The following UBE3C variants were observed in gnomAD, a reference collection of about 807,000 sequenced individuals.
The protein encoded by UBE3C is ubiquitin-protein ligase E3C.
UBE3C carries 42 observed loss-of-function variants against 129.4 expected under a neutral mutation model. The ratio of observed to expected loss-of-function variants is 0.32; its 90% CI spans 0.25 to 0.42. The LOEUF (loss-of-function observed/expected upper bound fraction) is 0.42, where lower values mean the gene tolerates loss of function less well. Ranked by LOEUF, UBE3C falls within the 10% of genes least tolerant of loss-of-function variation. The pLI, the probability that UBE3C is intolerant of heterozygous loss-of-function variation, is 1.00. For missense variants in UBE3C, 1,049 were observed against 1,319.1 expected, an observed-to-expected ratio of 0.80 and a Z score of 3.17; for synonymous variants, 510 against 492.4, an observed-to-expected ratio of 1.04 and a Z score of -0.47.
chr7:157,155,779 G>C (rs566994544), intron 1 of UBE3C, among the ~76,000 whole-genome samples: 1 of 152,264 alleles, frequency 6.6e-6, no homozygotes, highest in African/African-American at 2.4e-5. Context: ...AGAAGATAAC[G>C]ATAGTACCTA....
chr7:157,168,030 T>C (rs1280500400), intron 2 of UBE3C, among the ~76,000 whole-genome samples: 1 of 152,140 alleles, frequency 6.6e-6, no homozygotes, highest in Non-Finnish European at 1.5e-5. Context: ...TGTTGTCTGC[T>C]TGTATTCCTT....
intron 18 of UBE3C, among the ~76,000 whole-genome samples, chr7:157,243,505 A>G (rs1171774217): frequency 6.6e-6 from 1 of 152,202 alleles, no homozygotes; most frequent in East Asian, 1.9e-4. Flanking sequence ...ACCTCAGCTC[A>G]CGTTTAGAGA....
intron 10 of UBE3C, chr7:157,197,484 T>C: frequency 2.6e-6 from 2 of 760,354 alleles, no homozygotes; most frequent in Non-Finnish European, 3.9e-6. Flanking sequence ...CCAAAATTTA[T>C]CTGTAAAAAT....
intron 18 of UBE3C, among the ~76,000 whole-genome samples, chr7:157,233,294 TTG>T (rs1796070191): frequency 6.6e-6 from 1 of 152,194 alleles, no homozygotes; most frequent in South Asian, 2.1e-4. Flanking sequence ...ACTTTGGGGT[TTG>T]TTTTTTTCAT....
At chr7:157,139,786 G>T (rs1309912686) in intron 1 of UBE3C, among the ~76,000 whole-genome samples, 1 of 152,252 alleles carries the variant, frequency 6.6e-6, no homozygotes, top group East Asian at 1.9e-4. Flanking sequence ...CTCCCGCATG[G>T]CATCAGGGAG....
chr7:157,146,945 C>A (rs1263893019), intron 1 of UBE3C, among the ~76,000 whole-genome samples: 2 of 152,184 alleles, frequency 1.3e-5, no homozygotes, highest in Non-Finnish European at 1.5e-5. Flanking sequence ...GACACCGCGC[C>A]CAACCATAGT....
Position 157,146,414 on chromosome 7 carries a change from G to T in UBE3C, c.66+7076G>T, listed in dbSNP as rs547831123. Among the ~76,000 whole-genome samples, 46 of 152,096 alleles carry T rather than the reference G, an allele frequency of 3.0e-4. No homozygotes were observed. In the East Asian group the frequency reaches 8.0e-3, roughly 26 times the overall value. On this transcript the variant is annotated intron_variant, in intron 1 of 22. Coordinates refer to ENST00000348165, the MANE Select transcript of UBE3C (RefSeq NM_014671.3). Reference sequence around the variant, plus strand: ...ACCTGGCTACTCTAGTACAGACGGGGGTTTCACCATGTTGGTCAGGCTGGT... The same window carrying T: ...ACCTGGCTACTCTAGTACAGACGGGTGTTTCACCATGTTGGTCAGGCTGGT...
intron 6 of UBE3C, 107 bp downstream of exon 6, chr7:157,178,954 G>T (rs1808596899): frequency 5.0e-6 from 7 of 1,388,498 alleles, no homozygotes; most frequent in Non-Finnish European, 6.8e-6. Flanking sequence ...TGTCAGAGCG[G>T]TACTGGTGTC....
chr7:157,150,089 C>CT (rs1477628125), intron 1 of UBE3C, among the ~76,000 whole-genome samples: 3 of 152,012 alleles, frequency 2.0e-5, no homozygotes, highest in African/African-American at 4.8e-5. Context: ...TATCAAGAGT[C>CT]TAACAAGGCC....
rs143704281 is a variant in UBE3C at position 157,247,843 on chromosome 7, A to AC, written c.2482-519dup. On this transcript the variant is annotated intron_variant, in intron 18 of 22. Transcript: ENST00000348165. ...GTGGCATATGCGGTTATGAACTGGGACCCCCCAAAACTGTGCTCAAATCCT... is the reference window on the plus strand; with the variant it reads ...GTGGCATATGCGGTTATGAACTGGGACCCCCCCAAAACTGTGCTCAAATCCT... Among the ~76,000 whole-genome samples, 351 of 152,004 alleles carry AC rather than the reference A, an allele frequency of 2.3e-3. 2 individuals are homozygous for AC. The highest frequency in any genetic ancestry group is 8.1e-3 in the African/African-American group (335 of 41,426).
chr7:157,194,490 C>G (rs1299676231), intron 10 of UBE3C, among the ~76,000 whole-genome samples: 1 of 152,112 alleles, frequency 6.6e-6, no homozygotes, highest in Non-Finnish European at 1.5e-5. Flanking sequence ...GCTGCTGTAA[C>G]AAATATCTAA....
chr7:157,229,923 T>A (rs976935576), intron 17 of UBE3C, among the ~76,000 whole-genome samples: 9 of 101,306 alleles, frequency 8.9e-5, no homozygotes, highest in African/African-American at 2.1e-4. Flanking sequence ...TTAATTTATT[T>A]ATTTTTTTTT....
intron 2 of UBE3C, among the ~76,000 whole-genome samples, chr7:157,168,702 A>G (rs1808284934): frequency 6.6e-6 from 1 of 152,228 alleles, no homozygotes; most frequent in African/African-American, 2.4e-5. Context: ...GACACAGCAT[A>G]TTGTATGATT....
At chr7:157,166,086 A>G (rs1808204427) in intron 2 of UBE3C, among the ~76,000 whole-genome samples, 1 of 152,212 alleles carries the variant, frequency 6.6e-6, no homozygotes, top group Non-Finnish European at 1.5e-5. Context: ...TAGGTTTCCT[A>G]ATCCTTTCTT....
rs1796677687 is a variant in UBE3C, at chr7:157,253,861, T to G, written c.2695-93T>G. On this transcript the variant is annotated intron_variant, in intron 19 of 22. Coordinates refer to ENST00000348165, the MANE Select transcript of UBE3C (RefSeq NM_014671.3). ...AGATTCTTGTTCACAAAGCATCAAG[T>G]CCTATTTCCTTAAAACATTTGTTTC... The G allele has an allele frequency of 2.5e-6, 3 of 1,212,560 alleles. No homozygotes were observed. In the African/African-American group the frequency reaches 4.6e-5, roughly 19 times the overall value. 75.1% of individuals were successfully genotyped at this position (1,212,560 alleles called of 1,614,324 possible).
rs189458196 is a variant in UBE3C at position 157,223,206 on chromosome 7, C to T, written c.2003-48C>T. ...ACCTTAAGAATTGTCAGTGGGAATG[C>T]AGGGGAAAGTACAAGTGAACTAATT... On this transcript the variant is annotated intron_variant, in intron 15 of 22. Coordinates refer to ENST00000348165, the MANE Select transcript of UBE3C (RefSeq NM_014671.3). The T allele has an allele frequency of 1.3e-4, 200 of 1,563,952 alleles. 1 individual carries two copies. In the East Asian group the frequency reaches 4.1e-3, roughly 32 times the overall value.
At position 157,220,578 on chromosome 7, in the gene UBE3C, G is replaced by A; in HGVS notation, c.1915-111G>A. On this transcript the variant is annotated intron_variant, in intron 14 of 22. Coordinates refer to ENST00000348165, the MANE Select transcript of UBE3C (RefSeq NM_014671.3). ...ACATGAAGGTATGAGGTCAGAGAGAGGGCCCAGCCCACGGTAGAGAAATGT... is the reference window on the plus strand; with the variant it reads ...ACATGAAGGTATGAGGTCAGAGAGAAGGCCCAGCCCACGGTAGAGAAATGT... 5 of 1,235,878 alleles carry A rather than the reference G, an allele frequency of 4.0e-6. No individual in the cohort carries two copies. In the South Asian group the frequency reaches 6.3e-5, roughly 16 times the overall value. The allele number at this position is 1,235,878 out of a possible 1,614,324, so 76.6% of individuals were successfully genotyped here.
Position 157,163,829 on chromosome 7 carries a change from T to G in UBE3C, c.86T>G (p.Leu29Ter). 1 of 1,613,668 alleles carries G rather than the reference T, an allele frequency of 6.2e-7. No individual in the cohort carries two copies. The highest frequency in any genetic ancestry group is 1.1e-5 in the South Asian group (1 of 91,046). The change falls in exon 2 of 23, where the codon TTA becomes TGA. Residue 29 changes from leucine (L) to a stop codon, truncating the protein, a stop_gained. Coordinates refer to ENST00000348165, the MANE Select transcript of UBE3C (RefSeq NM_014671.3). LOFTEE classifies it high-confidence loss of function. ...GTGTAGGAGGAAAAGGCTTCTCTTT[T>G]ACATCGTACTCAGGAAGAAAGAAGA... ...ASRKEEKASL[L>*]HRTQEERRKR...
chr7:157,266,001 T>A (rs1460444024), intron 22 of UBE3C, among the ~76,000 whole-genome samples: 2 of 152,178 alleles, frequency 1.3e-5, no homozygotes, highest in East Asian at 3.8e-4. Flanking sequence ...TCCCTCAATT[T>A]CGTCTTGTAA....
Sources: gnomAD v4.1 joint callset for allele counts (sites outside exome capture counted in the v4.1 genomes callset) on GRCh38, gnomAD v4.1.1 for gene constraint, MANE v1.5 for transcripts, NCBI Gene and HGNC (gene_info 2026-07-23, HGNC 2026-07-21) for gene names.